The following ZFPM2 variants were observed in gnomAD, a reference collection of about 807,000 sequenced individuals.
The protein encoded by ZFPM2 is zinc finger protein, FOG family member 2, also known as zinc finger protein ZFPM2.
Under a neutral mutation model 98.6 loss-of-function variants are expected in ZFPM2, and 20 were observed. That is an observed-to-expected ratio of 0.20 (90% CI 0.14 to 0.29). ZFPM2 has a LOEUF of 0.29. Ranked by LOEUF, ZFPM2 falls within the 10% of genes least tolerant of loss-of-function variation. ZFPM2 has a pLI of 1.00. For missense variants in ZFPM2, 1,310 were observed against 1,388.6 expected, an observed-to-expected ratio of 0.94 and a Z score of 0.90; for synonymous variants, 518 against 502.7, an observed-to-expected ratio of 1.03 and a Z score of -0.41.
intron 1 of ZFPM2, among the ~76,000 whole-genome samples, chr8:105,417,877 G>A (rs920681685): frequency 6.6e-6 from 1 of 151,948 alleles, no homozygotes; most frequent in Non-Finnish European, 1.5e-5. Context: ...TTTTGAAAAA[G>A]GAAAGGTAAA....
chr8:105,376,644 A>G (rs1014045763), intron 1 of ZFPM2, among the ~76,000 whole-genome samples: 1 of 152,146 alleles, frequency 6.6e-6, no homozygotes, highest in Non-Finnish European at 1.5e-5. Context: ...TTGTCTAAGT[A>G]AAAAAGCTGG....
rs200073304 is a variant in ZFPM2, at chr8:105,584,283, A to AT, written c.420+22810dup. On this transcript the variant is annotated intron_variant, in intron 4 of 7. Coordinates refer to ENST00000407775, the MANE Select transcript of ZFPM2 (RefSeq NM_012082.4). The stretch of plus-strand genomic sequence containing the variant: ...CTAATTCTTTTTTAACTTTTATTTT[A>AT]TTTTTTTTCTAAAGTTTCTAAAATT... Among the ~76,000 whole-genome samples, 360 of 148,428 alleles carry AT rather than the reference A, an allele frequency of 2.4e-3. 1 individual carries two copies. The highest frequency in any genetic ancestry group is 4.4e-3 in the Non-Finnish European group (300 of 67,908).
chr8:105,533,655 TCTC>T (rs1814346296), intron 3 of ZFPM2, among the ~76,000 whole-genome samples: 1 of 98,550 alleles, frequency 1.0e-5, no homozygotes. Flanking sequence ...CCTCCCTCCC[TCTC>T]TCCTTTCCTT....
At chr8:105,440,773 A>T (rs1028905168) in intron 2 of ZFPM2, among the ~76,000 whole-genome samples, 9 of 152,072 alleles carry the variant, frequency 5.9e-5, no homozygotes, top group Non-Finnish European at 1.0e-4. Flanking sequence ...GAAGGAAGGG[A>T]ATAAGGGATG....
chr8:105,657,574 G>A (rs1817309659), intron 5 of ZFPM2, among the ~76,000 whole-genome samples: 1 of 152,116 alleles, frequency 6.6e-6, no homozygotes, highest in African/African-American at 2.4e-5. Flanking sequence ...CTTCTATACA[G>A]ATCAACATCT....
At chr8:105,651,465 CA>C (rs35701061) in intron 5 of ZFPM2, among the ~76,000 whole-genome samples, 22,199 of 138,478 alleles carry the variant, frequency 0.16, 1,962 homozygotes, top group Middle Eastern at 0.28. Context: ...GACTCCATCT[CA>C]AAAAAAAAAA....
chr8:105,662,257 A>G (rs1817403874), intron 5 of ZFPM2: 1 of 152,082 alleles, frequency 6.6e-6, no homozygotes, highest in Non-Finnish European at 1.5e-5. Flanking sequence ...GGACATACTG[A>G]CAGGTGTGTA....
intron 1 of ZFPM2, among the ~76,000 whole-genome samples, chr8:105,386,781 G>A (rs1810999402): frequency 6.6e-6 from 1 of 152,110 alleles, no homozygotes; most frequent in Non-Finnish European, 1.5e-5. Flanking sequence ...GAGCTGATTG[G>A]TCCGTTTTGA....
intron 5 of ZFPM2, among the ~76,000 whole-genome samples, chr8:105,741,475 CTG>C (rs1167700735): frequency 6.6e-6 from 1 of 152,022 alleles, no homozygotes; most frequent in Non-Finnish European, 1.5e-5. Context: ...GGCTGAAACA[CTG>C]ATGTTTGCAG....
intron 6 of ZFPM2, chr8:105,797,201 G>A (rs1226965897): frequency 1.3e-5 from 2 of 152,158 alleles, no homozygotes; most frequent in Non-Finnish European, 2.9e-5. Context: ...GGATGGGCGA[G>A]TTACTTAACA....
intron 2 of ZFPM2, among the ~76,000 whole-genome samples, chr8:105,438,358 CA>C (rs1292324335): frequency 1.3e-5 from 2 of 152,202 alleles, no homozygotes; most frequent in African/African-American, 2.4e-5. Context: ...CAGTGCCCAA[CA>C]CAGTGCCTGG....
intron 4 of ZFPM2, among the ~76,000 whole-genome samples, chr8:105,587,838 A>G (rs1001327134): frequency 9.2e-5 from 14 of 152,126 alleles, no homozygotes; most frequent in Admixed American, 2.6e-4. Context: ...TCTGGCCTCT[A>G]CCTACTAGAT....
intron 5 of ZFPM2, among the ~76,000 whole-genome samples, chr8:105,669,095 T>G (rs941192621): frequency 6.6e-6 from 1 of 152,128 alleles, no homozygotes; most frequent in African/African-American, 2.4e-5. Context: ...AAACTAGCTA[T>G]GTTAGTATAT....
At chr8:105,635,643 A>G (rs1409746943) in intron 5 of ZFPM2, among the ~76,000 whole-genome samples, 2 of 152,216 alleles carry the variant, frequency 1.3e-5, no homozygotes, top group Non-Finnish European at 2.9e-5. Context: ...GTGAAAAGAA[A>G]TGGTATAGGG....
chr8:105,412,773 C>T (rs1484774498), intron 1 of ZFPM2, among the ~76,000 whole-genome samples: 1 of 151,624 alleles, frequency 6.6e-6, no homozygotes, highest in Non-Finnish European at 1.5e-5. Context: ...GAGTGTCCCT[C>T]TTCTCTGCCC....
At chr8:105,730,595 T>A (rs979074861) in intron 5 of ZFPM2, among the ~76,000 whole-genome samples, 1 of 151,670 alleles carries the variant, frequency 6.6e-6, no homozygotes, top group Non-Finnish European at 1.5e-5. Flanking sequence ...TCAGAGTGGA[T>A]TGCCACGTGT....
chr8:105,640,228 G>A (rs917297641), intron 5 of ZFPM2, among the ~76,000 whole-genome samples: 1 of 151,892 alleles, frequency 6.6e-6, no homozygotes, highest in African/African-American at 2.4e-5. Context: ...CAAAATTTTG[G>A]AAGATGCCAT....
At chr8:105,779,835 G>C (rs892176795) in intron 5 of ZFPM2, among the ~76,000 whole-genome samples, 14 of 152,124 alleles carry the variant, frequency 9.2e-5, no homozygotes, top group Admixed American at 6.5e-5. Context: ...TGGCAGGATG[G>C]GAAGATATTT....
intron 5 of ZFPM2, among the ~76,000 whole-genome samples, chr8:105,788,368 G>A (rs1457584157): frequency 6.6e-6 from 1 of 152,130 alleles, no homozygotes; most frequent in Non-Finnish European, 1.5e-5. Context: ...CAGCAGTTGG[G>A]TCTCTACTAT....
Sources: gnomAD v4.1 joint callset for allele counts (sites outside exome capture counted in the v4.1 genomes callset) on GRCh38, gnomAD v4.1.1 for gene constraint, MANE v1.5 for transcripts, NCBI Gene and HGNC (gene_info 2026-07-23, HGNC 2026-07-21) for gene names.